Variants in KDM1B observed in about 807,000 individuals in gnomAD.
KDM1B encodes lysine demethylase 1B, also known as lysine-specific histone demethylase 2.
Under a neutral mutation model 107.4 loss-of-function variants are expected in KDM1B, and 63 were observed. The ratio of observed to expected loss-of-function variants is 0.59; its 90% CI spans 0.48 to 0.72. KDM1B has a LOEUF of 0.72. Ranked by LOEUF, KDM1B falls within the 30% of genes least tolerant of loss-of-function variation. The pLI, the probability that KDM1B is intolerant of heterozygous loss-of-function variation, is 0.00. For missense variants in KDM1B, 749 were observed against 1,020.8 expected, an observed-to-expected ratio of 0.73 and a Z score of 3.63; for synonymous variants, 363 against 363.9, an observed-to-expected ratio of 1.00 and a Z score of 0.03.
chr6:18,221,828 G>C, intron 21 of KDM1B, 81 bp from the exon 22 acceptor site: 1 of 1,118,086 alleles, frequency 8.9e-7, no homozygotes, highest in African/African-American at 1.6e-5. Context: ...TGTTAGACCA[G>C]ATAAAGTCTA....
rs1475195337 is a variant in KDM1B at position 18,200,988 on chromosome 6, A to G, written c.1359+412A>G. Among the ~76,000 whole-genome samples, 1 of 152,232 alleles carries G rather than the reference A, an allele frequency of 6.6e-6. No individual in the cohort carries two copies. Among genetic ancestry groups the G allele is most frequent in the African/African-American group, 2.4e-5 (1 of 41,464 alleles). On this transcript the variant is annotated intron_variant, in intron 13 of 21. Coordinates refer to ENST00000650836, the MANE Select transcript of KDM1B (RefSeq NM_001364614.2). The surrounding 1 kb of genome is among the most constrained non-coding windows in gnomAD (Gnocchi z 4.3). ...ATACTTATACTTAAAAAAATTATGT[A>G]TTACTAATCTGAACATCATATTTAA...
intron 2 of KDM1B, among the ~76,000 whole-genome samples, chr6:18,157,282 T>G (rs1249305744): frequency 6.6e-6 from 1 of 152,206 alleles, no homozygotes; most frequent in Non-Finnish European, 1.5e-5. Context: ...CATATAACCC[T>G]CAATTGTATA....
Position 18,213,803 on chromosome 6 carries a change from G to C in KDM1B, c.2109+22G>C, listed in dbSNP as rs761551297. 6.2e-7 allele frequency: 1 copy of C among 1,613,270 alleles called. No individual in the cohort carries two copies. The highest frequency in any genetic ancestry group is 1.7e-5 in the Admixed American group (1 of 59,928). On this transcript the variant is annotated intron_variant, in intron 19 of 21. Coordinates refer to ENST00000650836, the MANE Select transcript of KDM1B (RefSeq NM_001364614.2). The surrounding 1 kb of genome is among the most constrained non-coding windows in gnomAD (Gnocchi z 5.9). ...CCAGGTAAAATCATTCGTGAACTGT[G>C]GTTTGAATTTCCGTCTTAAAGTTTA... is the stretch of plus-strand genomic sequence containing the variant.
At chr6:18,188,026 C>G in intron 9 of KDM1B, 24 bp downstream of exon 9, 1 of 1,541,542 alleles carries the variant, frequency 6.5e-7, no homozygotes, top group Non-Finnish European at 8.8e-7. Flanking sequence ...CTGGGACTCC[C>G]TGCTTTCTAT....
At chr6:18,216,666 C>T (rs866688700) in intron 20 of KDM1B, among the ~76,000 whole-genome samples, 9 of 152,284 alleles carry the variant, frequency 5.9e-5, no homozygotes, top group Middle Eastern at 3.4e-3. Flanking sequence ...CAGTCATGCA[C>T]CGTTCTGAAG....
chr6:18,184,054 G>A (rs930850270), intron 7 of KDM1B, among the ~76,000 whole-genome samples: 10 of 151,908 alleles, frequency 6.6e-5, no homozygotes, highest in Admixed American at 2.6e-4. Flanking sequence ...ATGAATTTTC[G>A]CCAAGTACTC....
intron 7 of KDM1B, among the ~76,000 whole-genome samples, chr6:18,182,559 G>T (rs1786549691): frequency 6.6e-6 from 1 of 150,420 alleles, no homozygotes; most frequent in African/African-American, 2.5e-5. Flanking sequence ...TTTTTTTTGA[G>T]ACGGAGTCTT....
At position 18,201,464 on chromosome 6, in the gene KDM1B, T is replaced by C; in HGVS notation, c.1360-22T>C. The C allele has an allele frequency of 6.5e-7, 1 of 1,533,946 alleles. No individual in the cohort carries two copies. On this transcript the variant is annotated intron_variant, in intron 13 of 21. Transcript: ENST00000650836. This position sits in a 1 kb window ranked among gnomAD's most constrained non-coding sequence, Gnocchi z 4.3. ...TTTTTTCCAGGGAAAATTTTCACCT[T>C]CTTATTCTTATTATTTTGAAGCTTG...
At chr6:18,198,383 T>C (rs1306404312) in intron 12 of KDM1B, among the ~76,000 whole-genome samples, 1 of 151,912 alleles carries the variant, frequency 6.6e-6, no homozygotes, top group Admixed American at 6.6e-5. Flanking sequence ...GACAGTGTTA[T>C]GAGACTGGCT....
At chr6:18,189,820 C>T (rs567732827) in intron 9 of KDM1B, among the ~76,000 whole-genome samples, 1 of 152,128 alleles carries the variant, frequency 6.6e-6, no homozygotes, top group South Asian at 2.1e-4. Context: ...CTTCTATGAA[C>T]CTATTCATTT....
intron 12 of KDM1B, among the ~76,000 whole-genome samples, chr6:18,199,746 T>A (rs371151280): frequency 1.3e-5 from 2 of 151,948 alleles, no homozygotes; most frequent in Admixed American, 6.6e-5. Context: ...AGTTAAAGCT[T>A]ATTTGCAGTC....
At chr6:18,195,991 C>A (rs1787623565) in intron 10 of KDM1B, among the ~76,000 whole-genome samples, 1 of 152,028 alleles carries the variant, frequency 6.6e-6, no homozygotes, top group Admixed American at 6.6e-5. Context: ...CCCCGCTATT[C>A]CCCCTCCCCT....
intron 2 of KDM1B, 83 bp downstream of exon 2, chr6:18,156,009 G>A (rs1163402534): frequency 6.6e-6 from 1 of 152,282 alleles, no homozygotes; most frequent in Non-Finnish European, 1.5e-5. Flanking sequence ...AGCTGGCACC[G>A]GGAGTTTGGG....
intron 7 of KDM1B, among the ~76,000 whole-genome samples, chr6:18,177,167 A>G (rs950294575): frequency 3.0e-4 from 45 of 152,262 alleles, no homozygotes; most frequent in African/African-American, 9.1e-4. Flanking sequence ...TGTTCAGGGT[A>G]TCTAATCCTT....
At chr6:18,219,004 A>G (rs112822615) in intron 21 of KDM1B, among the ~76,000 whole-genome samples, 8,717 of 152,034 alleles carry the variant, frequency 0.057, 769 homozygotes, top group African/African-American at 0.19. Context: ...CTGGGTTCAC[A>G]CCATTCTCCT....
intron 6 of KDM1B, among the ~76,000 whole-genome samples, chr6:18,169,291 T>C (rs1438202226): frequency 2.0e-5 from 3 of 151,156 alleles, no homozygotes; most frequent in African/African-American, 7.3e-5. Flanking sequence ...TGCAGTGCAA[T>C]GGTGCCATCT....
intron 6 of KDM1B, 124 bp downstream of exon 6, chr6:18,166,502 A>T: frequency 1.6e-6 from 1 of 622,182 alleles, no homozygotes; most frequent in Non-Finnish European, 2.9e-6. Flanking sequence ...CTATTAAAGC[A>T]AATATTTTTT....
Position 18,212,279 on chromosome 6 carries a change from CCAT to C in KDM1B, c.1867-206_1867-204del. The C allele has an allele frequency of 5.1e-6, 3 of 584,628 alleles. No individual in the cohort carries two copies. The highest frequency in any genetic ancestry group is 3.1e-6 in the Non-Finnish European group (1 of 324,018). The allele number at this position is 584,628 out of a possible 1,614,324, so 36.2% of individuals were successfully genotyped here. A position where few individuals can be genotyped will look rare whatever the true frequency, so the allele number is the denominator to read the frequency against. On this transcript the variant is annotated intron_variant, in intron 17 of 21. Transcript: ENST00000650836. The surrounding 1 kb of genome is among the most constrained non-coding windows in gnomAD (Gnocchi z 5.2). The stretch of plus-strand genomic sequence containing the variant: ...TCTTCTTATCTAAGATGATTATTCA[CCAT>C]CAGGACGTTTTTTGCCCACTCTTCC...
In KDM1B at chr6:18,180,899, C is replaced by T. The variant is rs116802422; in HGVS notation, c.535-4873C>T. On this transcript the variant is annotated intron_variant, in intron 7 of 21. Transcript: ENST00000650836. The stretch of plus-strand genomic sequence containing the variant: ...TGTGATTTTTACATTTTGTTCTGTG[C>T]TTTGACTAAACTGTAATTGGAGTGA... Among the ~76,000 whole-genome samples, 846 of 152,324 alleles carry T rather than the reference C, an allele frequency of 5.6e-3. 7 individuals are homozygous for T. Among genetic ancestry groups the T allele is most frequent in the African/African-American group, 0.019 (797 of 41,560 alleles).
Sources: gnomAD v4.1 joint callset for allele counts (sites outside exome capture counted in the v4.1 genomes callset) on GRCh38, gnomAD v4.1.1 for gene constraint, Gnocchi (gnomAD v3.1) non-coding constraint, MANE v1.5 for transcripts, NCBI Gene and HGNC (gene_info 2026-07-23, HGNC 2026-07-21) for gene names.